RPS6KC1: variants seen among roughly 807,000 people sequenced by gnomAD.
The protein encoded by RPS6KC1 is inactive ribosomal protein S6 kinase delta-1.
RPS6KC1 carries 54 observed loss-of-function variants against 103.8 expected under a neutral mutation model. That is an observed-to-expected ratio of 0.52 (90% CI 0.42 to 0.65). RPS6KC1 has a LOEUF of 0.65. Among genes scored for constraint, RPS6KC1 ranks in the 30% least tolerant of loss-of-function variants. RPS6KC1 has a pLI of 0.00. For missense variants in RPS6KC1, 1,151 were observed against 1,253.8 expected (o/e 0.92, Z 1.24); for synonymous variants, 439 against 438.7 (o/e 1.00, Z -0.01).
chr1:213,301,775 C>T, the RPS6KC1 span, among the ~76,000 whole-genome samples: 2 of 151,624 alleles, frequency 1.3e-5, no homozygotes, highest in Non-Finnish European at 2.9e-5. Flanking sequence ...CTCTGTCGCC[C>T]AGGCTACTAG....
intron 1 of RPS6KC1, among the ~76,000 whole-genome samples, chr1:213,056,317 A>G (rs1397249880): frequency 1.3e-5 from 2 of 152,196 alleles, no homozygotes; most frequent in African/African-American, 2.4e-5. Context: ...AGGGTCATAT[A>G]GCCAGCAAGT....
At chr1:213,310,948 G>T in the RPS6KC1 span, among the ~76,000 whole-genome samples, 1 of 151,972 alleles carries the variant, frequency 6.6e-6, no homozygotes, top group Non-Finnish European at 1.5e-5. Context: ...AGCCTCACAC[G>T]GGGAACCAGA....
At chr1:213,151,937 C>G (rs2089081835) in intron 6 of RPS6KC1, among the ~76,000 whole-genome samples, 1 of 125,460 alleles carries the variant, frequency 8.0e-6, no homozygotes, top group African/African-American at 3.2e-5. Flanking sequence ...GCTGACCCCC[C>G]CACCTCCCTC....
chr1:213,273,164 A>G lies in RPS6KC1; in HGVS notation c.*530A>G, dbSNP rs1010745465. On this transcript the variant is annotated 3_prime_UTR_variant, in exon 15 of 15. Transcript: ENST00000366960. ...CGGAAAACCTGTACCCTGATGCTGT[A>G]TAATGTATGTTGAATGTGGTCCCAG... The G allele has an allele frequency of 1.3e-5, 2 of 154,296 alleles. No homozygotes were observed. The highest frequency in any genetic ancestry group is 4.8e-5 in the African/African-American group (2 of 41,476). The allele number at this position is 154,296 out of a possible 1,614,324, so 9.6% of individuals were successfully genotyped here.
the RPS6KC1 span, among the ~76,000 whole-genome samples, chr1:213,344,463 G>C: frequency 6.6e-6 from 1 of 151,984 alleles, no homozygotes; most frequent in Non-Finnish European, 1.5e-5. Flanking sequence ...GCATAATTTT[G>C]AGTAATTCTA....
chr1:213,851,007 T>C, the RPS6KC1 span, among the ~76,000 whole-genome samples: 1 of 152,228 alleles, frequency 6.6e-6, no homozygotes, highest in African/African-American at 2.4e-5. Context: ...TCAACTGTGT[T>C]TATACCTTCT....
At chr1:213,370,869 T>TG in the RPS6KC1 span, among the ~76,000 whole-genome samples, 3 of 152,156 alleles carry the variant, frequency 2.0e-5, no homozygotes, top group Non-Finnish European at 2.9e-5. Flanking sequence ...AGTACCAGAA[T>TG]GGGGCAGAGA....
chr1:213,133,994 C>G (rs1461269477), intron 6 of RPS6KC1, among the ~76,000 whole-genome samples: 1 of 151,964 alleles, frequency 6.6e-6, no homozygotes, highest in African/African-American at 2.4e-5. Flanking sequence ...TGTTTGTTTT[C>G]ACTCAGCCAT....
chr1:213,138,026 T>C (rs2086584221), intron 6 of RPS6KC1, among the ~76,000 whole-genome samples: 1 of 151,722 alleles, frequency 6.6e-6, no homozygotes, highest in Non-Finnish European at 1.5e-5. Context: ...ATTTGTGCTC[T>C]TGATTTTTTG....
At chr1:213,064,106 G>T (rs2148384838) in intron 1 of RPS6KC1, among the ~76,000 whole-genome samples, 1 of 152,184 alleles carries the variant, frequency 6.6e-6, no homozygotes, top group Admixed American at 6.5e-5. Flanking sequence ...ACCCAGGCTG[G>T]AGTGCAATGG....
chr1:213,136,666 A>T (rs2086300792), intron 6 of RPS6KC1, among the ~76,000 whole-genome samples: 1 of 152,004 alleles, frequency 6.6e-6, no homozygotes, highest in African/African-American at 2.4e-5. Flanking sequence ...TAACGGAAGT[A>T]TATTATATAT....
the RPS6KC1 span, among the ~76,000 whole-genome samples, chr1:213,717,606 C>A: frequency 6.6e-6 from 1 of 152,220 alleles, no homozygotes; most frequent in South Asian, 2.1e-4. Flanking sequence ...GGAGTTTAGA[C>A]TTCATCTTCT....
chr1:213,176,908 T>G (rs2091912192), intron 8 of RPS6KC1, among the ~76,000 whole-genome samples: 1 of 152,202 alleles, frequency 6.6e-6, no homozygotes, highest in Admixed American at 6.5e-5. Context: ...GGACCCTATG[T>G]TAGGCATTTT....
the RPS6KC1 span, among the ~76,000 whole-genome samples, chr1:213,634,550 T>C: frequency 1.3e-5 from 2 of 152,122 alleles, no homozygotes; most frequent in Non-Finnish European, 2.9e-5. Context: ...AGACACAACA[T>C]ACCAGAATCT....
At chr1:213,793,200 G>A in the RPS6KC1 span, among the ~76,000 whole-genome samples, 7 of 152,098 alleles carry the variant, frequency 4.6e-5, no homozygotes, top group East Asian at 5.8e-4. Flanking sequence ...GTAATCTACC[G>A]CAGCTGAAGT....
At chr1:213,301,262 T>G in the RPS6KC1 span, among the ~76,000 whole-genome samples, 1 of 152,200 alleles carries the variant, frequency 6.6e-6, no homozygotes, top group Non-Finnish European at 1.5e-5. Context: ...AATATGACAA[T>G]GCCCACCAGA....
the RPS6KC1 span, among the ~76,000 whole-genome samples, chr1:213,337,812 A>G: frequency 1.3e-5 from 2 of 152,216 alleles, no homozygotes; most frequent in East Asian, 3.8e-4. Flanking sequence ...GGGCCAAGTC[A>G]TTGCCCTCGT....
chr1:213,377,312 C>T, the RPS6KC1 span, among the ~76,000 whole-genome samples: 1 of 152,158 alleles, frequency 6.6e-6, no homozygotes, highest in Non-Finnish European at 1.5e-5. Flanking sequence ...AAGTAAAAAT[C>T]ATGACCTACT....
At chr1:213,284,149 T>G in the RPS6KC1 span, among the ~76,000 whole-genome samples, 3 of 152,268 alleles carry the variant, frequency 2.0e-5, no homozygotes, top group Middle Eastern at 3.4e-3. Flanking sequence ...AGCTCAGAAA[T>G]GAGTTGACAA....
Sources: allele counts gnomAD v4.1 joint callset (sites outside exome capture counted in the v4.1 genomes callset), GRCh38; gene constraint gnomAD v4.1.1; transcripts MANE v1.5; gene names NCBI Gene and HGNC (gene_info 2026-07-23, HGNC 2026-07-21).